Variants in COX4I2 observed in about 807,000 individuals in gnomAD.
The protein encoded by COX4I2 is cytochrome c oxidase subunit 4 isoform 2, mitochondrial.
A neutral mutation model predicts 20.8 loss-of-function variants in COX4I2; 15 were observed. The ratio of observed to expected loss-of-function variants is 0.72; its 90% confidence interval spans 0.48 to 1.11. The LOEUF is 1.11. Among genes scored for constraint, COX4I2 ranks in the 50% most tolerant of loss-of-function variants. COX4I2 has a pLI of 0.00. For missense variants in COX4I2, 224 were observed against 223.0 expected (o/e 1.00, Z -0.03); for synonymous variants, 80 against 78.1 (o/e 1.02, Z -0.13).
At chr20:31,639,397 T>A in intron 2 of COX4I2, 3 of 524,160 alleles carry the variant, frequency 5.7e-6, no homozygotes, top group Non-Finnish European at 7.3e-6. Flanking sequence ...TGGACCCTGA[T>A]TCCTCCTTTC....
chr20:31,640,954 TACACACACACACACAC>T (rs35214276), intron 3 of COX4I2, among the ~76,000 whole-genome samples: 8 of 133,534 alleles, frequency 6.0e-5, no homozygotes, highest in Admixed American at 1.6e-4. Flanking sequence ...TCTCTCTTTC[TACACACACACACACAC>T]ACACACACAC....
intron 2 of COX4I2, 71 bp downstream of exon 2, chr20:31,639,170 C>G: frequency 6.4e-7 from 1 of 1,550,424 alleles, no homozygotes; most frequent in South Asian, 1.2e-5. Context: ...GCAGGCTGCC[C>G]CCTTTGCCCT....
At chr20:31,638,484 C>CG (rs1313033185) in intron 1 of COX4I2, among the ~76,000 whole-genome samples, 4 of 150,674 alleles carry the variant, frequency 2.7e-5, no homozygotes, top group African/African-American at 9.8e-5. Context: ...AGTCCCCACC[C>CG]CAACCAGATC....
At chr20:31,639,852 G>A (rs1476193840) in intron 2 of COX4I2, 81 bp from the exon 3 acceptor site, 33 of 1,535,500 alleles carry the variant, frequency 2.1e-5, no homozygotes, top group South Asian at 5.7e-5. Flanking sequence ...CACCAAGCCC[G>A]GCCACCTTCT....
chr20:31,644,438 T>C (rs752743955), intron 4 of COX4I2, among the ~76,000 whole-genome samples: 1 of 152,104 alleles, frequency 6.6e-6, no homozygotes, highest in Non-Finnish European at 1.5e-5. Context: ...ATTCAGGCAG[T>C]CTTCAAATCA....
chr20:31,642,780 C>A (rs2060475783), intron 3 of COX4I2, among the ~76,000 whole-genome samples: 1 of 152,154 alleles, frequency 6.6e-6, no homozygotes, highest in Non-Finnish European at 1.5e-5. Flanking sequence ...CAGGGTCTCG[C>A]TTTATTGCCT....
At position 31,639,915 on chromosome 20, in the gene COX4I2, C is replaced by T. The variant is rs1183181586; in HGVS notation, c.83-18C>T. The T allele has an allele frequency of 9.3e-6, 15 of 1,613,676 alleles. No homozygotes were observed. The African/African-American group carries it at 1.2e-4, about 13-fold the overall frequency. Reference sequence around the variant, plus strand: ...CCCAAGGGCAGCCTGGACTCAGCTCCCTCCATTGTGTCTGCAGCCCGTGGT... The same window carrying T: ...CCCAAGGGCAGCCTGGACTCAGCTCTCTCCATTGTGTCTGCAGCCCGTGGT... On this transcript the variant is annotated intron_variant, in intron 2 of 4. Transcript: ENST00000376075.
rs774854990 is a variant in COX4I2 at position 31,639,081 on chromosome 20, C to T, written c.64C>T (p.His22Tyr). The change falls in exon 2 of 5, where the codon CAC (histidine) becomes TAC (tyrosine). Residue 22 changes from histidine to tyrosine, a missense_variant. His to Tyr is a moderately conservative substitution (Grantham distance 83, BLOSUM62 2). Transcript: ENST00000376075. ...AGGTGGAGGTGGAAGACGAGGGATGCACAGCTCAGAAGGCACCAGTGAGAC... is the reference window on the plus strand; with the variant it reads ...AGGTGGAGGTGGAAGACGAGGGATGTACAGCTCAGAAGGCACCAGTGAGAC... The part of the protein sequence containing the change: ...RKGGGGRRGM[H>Y]SSEGTTRGGG... The T allele has an allele frequency of 2.5e-5, 40 of 1,611,536 alleles. No homozygotes were observed. Among genetic ancestry groups the T allele is most frequent in the Non-Finnish European group, 3.3e-5 (39 of 1,179,086 alleles).
At chr20:31,640,507 A>G (rs1038130172) in intron 3 of COX4I2, among the ~76,000 whole-genome samples, 1 of 152,102 alleles carries the variant, frequency 6.6e-6, no homozygotes, top group Admixed American at 6.6e-5. Flanking sequence ...GGGCACTGCC[A>G]GGGAGTGGGA....
rs1295804075 is a variant in COX4I2 at position 31,639,317 on chromosome 20, T to G, written c.82+218T>G. On this transcript the variant is annotated intron_variant, in intron 2 of 4. Transcript: ENST00000376075. Reference sequence around the variant, plus strand: ...GTGGTCATCTCCATTCCAAGCTTCCTTAGGAGCCAGCCCCCAAGCCTCAGG... The same window carrying G: ...GTGGTCATCTCCATTCCAAGCTTCCGTAGGAGCCAGCCCCCAAGCCTCAGG... 5 of 983,280 alleles carry G rather than the reference T, an allele frequency of 5.1e-6. No homozygotes were observed. The East Asian group carries it at 5.7e-4, about 112-fold the overall frequency. The allele number at this position is 983,280 out of a possible 1,614,324, so 60.9% of individuals were successfully genotyped here.
chr20:31,640,484 AG>A (rs2060461822), intron 3 of COX4I2, among the ~76,000 whole-genome samples: 1 of 152,084 alleles, frequency 6.6e-6, no homozygotes, highest in South Asian at 2.1e-4. Context: ...CTGGCCTTTA[AG>A]GGTGAAGAGG....
chr20:31,638,346 T>G (rs1344159391), intron 1 of COX4I2, among the ~76,000 whole-genome samples: 1 of 151,448 alleles, frequency 6.6e-6, no homozygotes, highest in African/African-American at 2.4e-5. Flanking sequence ...TTTCCCCAGA[T>G]GTGTGTCTCC....
In COX4I2 at chr20:31,639,057, G is replaced by A; in HGVS notation, c.40G>A (p.Gly14Ser). The change falls in exon 2 of 5, where the codon GGT (glycine) becomes AGT (serine). Residue 14 changes from glycine to serine, a missense_variant. By Grantham distance (56) the Gly-to-Ser change is moderately conservative. Transcript: ENST00000376075. ...RAAWSLVLRK[G>S]GGGRRGMHSS... ...TGCCTGGAGCTTGGTGCTGAGGAAAGGTGGAGGTGGAAGACGAGGGATGCA... is the reference window on the plus strand; with the variant it reads ...TGCCTGGAGCTTGGTGCTGAGGAAAAGTGGAGGTGGAAGACGAGGGATGCA... 3.1e-6 allele frequency: 5 copies of A among 1,612,800 alleles called. No homozygotes were observed. The highest frequency in any genetic ancestry group is 1.3e-5 in the African/African-American group (1 of 75,046).
At chr20:31,642,607 T>C (rs893539399) in intron 3 of COX4I2, among the ~76,000 whole-genome samples, 1 of 151,802 alleles carries the variant, frequency 6.6e-6, no homozygotes, top group Admixed American at 6.6e-5. Context: ...TCCTGGCTAA[T>C]TTTTGTATTT....
rs186578067 is a variant in COX4I2, at chr20:31,640,600, G to A, written c.247+503G>A. Among the ~76,000 whole-genome samples the A allele has an allele frequency of 4.8e-4, 73 of 152,206 alleles. No individual in the cohort carries two copies. The East Asian group carries it at 0.014, about 29-fold the overall frequency. Reference sequence around the variant, plus strand: ...TGTGGGGGAGATGGGACAGAGAGAGGCAGGTGAGGCGGTTGGGGAGGAGCC... The same window carrying A: ...TGTGGGGGAGATGGGACAGAGAGAGACAGGTGAGGCGGTTGGGGAGGAGCC... On this transcript the variant is annotated intron_variant, in intron 3 of 4. Coordinates refer to ENST00000376075, the MANE Select transcript of COX4I2 (RefSeq NM_032609.3).
intron 3 of COX4I2, among the ~76,000 whole-genome samples, chr20:31,641,866 A>ATTTT (rs112080894): frequency 1.8e-4 from 26 of 145,954 alleles, no homozygotes; most frequent in African/African-American, 6.0e-4. Context: ...ACACCTGGCT[A>ATTTT]TTTTTTTTTT....
chr20:31,644,881 G>C lies in COX4I2; in HGVS notation c.493G>C (p.Glu165Gln), dbSNP rs768550908. 1 of 1,613,936 alleles carries C rather than the reference G, an allele frequency of 6.2e-7. No individual in the cohort carries two copies. The highest frequency in any genetic ancestry group is 8.5e-7 in the Non-Finnish European group (1 of 1,179,970). ...GGGCCTGGCCTCCCGCTGGGACTAT[G>C]AGAAGAAGCAGTGGAAGAAGTGACT... is the stretch of plus-strand genomic sequence containing the variant. The part of the protein sequence containing the change: ...VQGLASRWDY[E>Q]KKQWKK Residue 165 changes from glutamate (E) to glutamine (Q), a missense_variant, in exon 5 of 5, where the codon GAG becomes CAG. Coordinates refer to ENST00000376075, the MANE Select transcript of COX4I2 (RefSeq NM_032609.3).
Position 31,639,008 on chromosome 20 carries a change from A to G in COX4I2, c.1-10A>G. ...GGGGGCAGAACTCATCTATACCTTC[A>G]CGCCCCCAGATGCTCCCCAGAGCTG... On this transcript the variant is annotated splice_polypyrimidine_tract_variant and intron_variant, in intron 1 of 4. Coordinates refer to ENST00000376075, the MANE Select transcript of COX4I2 (RefSeq NM_032609.3). 6.2e-7 allele frequency: 1 copy of G among 1,606,384 alleles called. No homozygotes were observed. Among genetic ancestry groups the G allele is most frequent in the Non-Finnish European group, 8.5e-7 (1 of 1,176,664 alleles).
intron 3 of COX4I2, among the ~76,000 whole-genome samples, chr20:31,640,775 A>G (rs1265225676): frequency 6.6e-6 from 1 of 152,084 alleles, no homozygotes; most frequent in Non-Finnish European, 1.5e-5. Flanking sequence ...AGGGATTCCT[A>G]GTGGGGAAAG....
Sources: allele counts gnomAD v4.1 joint callset (sites outside exome capture counted in the v4.1 genomes callset), GRCh38; gene constraint gnomAD v4.1.1; transcripts MANE v1.5; gene names NCBI Gene and HGNC (gene_info 2026-07-23, HGNC 2026-07-21).